ZBTB40: variants seen among roughly 807,000 people sequenced by gnomAD.
ZBTB40 encodes the protein zinc finger and BTB domain-containing protein 40.
ZBTB40 carries 60 observed loss-of-function variants against 117.5 expected under a neutral mutation model. The observed-to-expected ratio is 0.51, with a 90% CI of 0.41 to 0.63. The LOEUF (loss-of-function observed/expected upper bound fraction) is 0.63, where lower values mean the gene tolerates loss of function less well. Ranked by LOEUF, ZBTB40 falls within the 30% of genes least tolerant of loss-of-function variation. The pLI is 0.00. For missense variants in ZBTB40, 1,287 were observed against 1,498.5 expected, an observed-to-expected ratio of 0.86 and a Z score of 2.33; for synonymous variants, 525 against 577.1, an observed-to-expected ratio of 0.91 and a Z score of 1.29.
intron 16 of ZBTB40, among the ~76,000 whole-genome samples, chr1:22,522,945 CTTTTTTTTT>C (rs34232963): frequency 8.5e-5 from 8 of 93,910 alleles, no homozygotes; most frequent in Non-Finnish European, 1.5e-4. Flanking sequence ...TAAGATGTAC[CTTTTTTTTT>C]TTTTTTTTTT....
intron 1 of ZBTB40, among the ~76,000 whole-genome samples, chr1:22,454,965 A>T (rs997831242): frequency 6.6e-6 from 1 of 152,252 alleles, no homozygotes; most frequent in Non-Finnish European, 1.5e-5. Flanking sequence ...GGGGAATCCA[A>T]TTAAAAATAG....
chr1:22,490,769 G>A (rs554664595), intron 2 of ZBTB40, 124 bp downstream of exon 2: 32 of 1,036,686 alleles, frequency 3.1e-5, no homozygotes, highest in South Asian at 1.1e-4. Context: ...GTGCAGTACC[G>A]TACTGGGCCA....
chr1:22,509,712 T>G (rs1310487590), intron 9 of ZBTB40, among the ~76,000 whole-genome samples: 1 of 152,176 alleles, frequency 6.6e-6, no homozygotes, highest in Non-Finnish European at 1.5e-5. Context: ...TTTTAATCCT[T>G]CCAGCTCTAC....
In ZBTB40 at chr1:22,513,143, A is replaced by G. The variant is rs375840634; in HGVS notation, c.2668+13A>G. ...AAGCACTCAGAAGGTAAGGCGGGGC[A>G]CAGTTCATTTCTCCTGCAGACTTTC... On this transcript the variant is annotated intron_variant, in intron 12 of 17. Transcript: ENST00000375647. The surrounding 1 kb of genome is among the most constrained non-coding windows in gnomAD (Gnocchi z 4.9). The G allele has an allele frequency of 1.9e-6, 3 of 1,612,258 alleles. No individual in the cohort carries two copies. The highest frequency in any genetic ancestry group is 1.3e-5 in the African/African-American group (1 of 75,020).
At chr1:22,468,740 C>A (rs183167680) in intron 1 of ZBTB40, among the ~76,000 whole-genome samples, 1 of 144,612 alleles carries the variant, frequency 6.9e-6, no homozygotes, top group East Asian at 2.1e-4. Context: ...CTCAAGTAAT[C>A]CTCCTGCCTT....
intron 1 of ZBTB40, among the ~76,000 whole-genome samples, chr1:22,433,858 A>G (rs1374206433): frequency 6.6e-6 from 1 of 152,004 alleles, no homozygotes; most frequent in African/African-American, 2.4e-5. Context: ...ATGTATCACA[A>G]TGTATTTAAG....
chr1:22,480,494 G>T (rs573053296), intron 1 of ZBTB40, among the ~76,000 whole-genome samples: 1 of 152,190 alleles, frequency 6.6e-6, no homozygotes, highest in South Asian at 2.1e-4. Flanking sequence ...CTTCTTTTCT[G>T]TGTCGTTGTT....
chr1:22,523,153 A>G (rs1269024482), intron 16 of ZBTB40, among the ~76,000 whole-genome samples: 1 of 151,220 alleles, frequency 6.6e-6, no homozygotes, highest in African/African-American at 2.4e-5. Flanking sequence ...GGGTTTCATC[A>G]TGTTAGCCAG....
intron 9 of ZBTB40, 148 bp downstream of exon 9, chr1:22,509,381 C>G: frequency 8.1e-7 from 1 of 1,233,352 alleles, no homozygotes; most frequent in Non-Finnish European, 1.1e-6. Context: ...GAGTCTTGCT[C>G]TGTCGCCCAG....
At chr1:22,429,759 G>C (rs1015665898) in intron 1 of ZBTB40, among the ~76,000 whole-genome samples, 1 of 152,168 alleles carries the variant, frequency 6.6e-6, no homozygotes, top group Non-Finnish European at 1.5e-5. Context: ...TTGGGAGGCC[G>C]AGGCGGGTGG....
chr1:22,439,943 C>T (rs887371457), intron 1 of ZBTB40, among the ~76,000 whole-genome samples: 1 of 152,156 alleles, frequency 6.6e-6, no homozygotes, highest in Admixed American at 6.5e-5. Flanking sequence ...AATACTAAGC[C>T]TTCCAATCCA....
intron 1 of ZBTB40, among the ~76,000 whole-genome samples, chr1:22,488,462 G>T (rs1009915530): frequency 6.6e-6 from 1 of 152,160 alleles, no homozygotes; most frequent in Non-Finnish European, 1.5e-5. Flanking sequence ...TGGCCTCTGA[G>T]CAAAGGGCTG....
At chr1:22,494,939 T>C (rs1638733748) in intron 3 of ZBTB40, among the ~76,000 whole-genome samples, 2 of 152,244 alleles carry the variant, frequency 1.3e-5, no homozygotes, top group Admixed American at 1.3e-4. Flanking sequence ...AGAACAACGT[T>C]GTTTCACATT....
In ZBTB40 at chr1:22,513,239, A is replaced by G; in HGVS notation, c.2668+109A>G. On this transcript the variant is annotated intron_variant, in intron 12 of 17. Coordinates refer to ENST00000375647, the MANE Select transcript of ZBTB40 (RefSeq NM_014870.4). The surrounding 1 kb of genome is among the most constrained non-coding windows in gnomAD (Gnocchi z 4.9). ...CTCAAAAACAAAACAATTTGATAGCACAACAGGGTGACTAAAGTCAATAAT... is the reference window on the plus strand; with the variant it reads ...CTCAAAAACAAAACAATTTGATAGCGCAACAGGGTGACTAAAGTCAATAAT... 8.3e-7 allele frequency: 1 copy of G among 1,203,688 alleles called. No homozygotes were observed. The highest frequency in any genetic ancestry group is 1.2e-6 in the Non-Finnish European group (1 of 840,994). 74.6% of individuals were successfully genotyped at this position (1,203,688 alleles called of 1,614,324 possible).
rs59824118 is a variant in ZBTB40 at position 22,491,310 on chromosome 1, A to G, written c.698-90A>G. The G allele has an allele frequency of 2.2e-3, 2,908 of 1,351,000 alleles. 40 individuals are homozygous for G. In the African/African-American group the frequency reaches 0.036, roughly 17 times the overall value. The allele number at this position is 1,351,000 out of a possible 1,614,324, so 83.7% of individuals were successfully genotyped here. On this transcript the variant is annotated intron_variant, in intron 2 of 17. Coordinates refer to ENST00000375647, the MANE Select transcript of ZBTB40 (RefSeq NM_014870.4). ...GACAGAGATCAGTTAAGTGCAGTAT[A>G]TGACCTGAAGGTGCTCAGACAGCTT...
At position 22,527,747 on chromosome 1, in the gene ZBTB40, C is replaced by T. The variant is rs1260681146; in HGVS notation, c.*1351C>T. ...CATCTCACATTGCCATGTACAGAGG[C>T]AGGAGTCACGTTTGGTCACCATGGA... On this transcript the variant is annotated 3_prime_UTR_variant, in exon 18 of 18. Coordinates refer to ENST00000375647, the MANE Select transcript of ZBTB40 (RefSeq NM_014870.4). The T allele has an allele frequency of 6.6e-6, 1 of 151,994 alleles. No homozygotes were observed. Among genetic ancestry groups the T allele is most frequent in the Admixed American group, 6.5e-5 (1 of 15,278 alleles). 9.4% of individuals were successfully genotyped at this position (151,994 alleles called of 1,614,324 possible).
intron 1 of ZBTB40, among the ~76,000 whole-genome samples, chr1:22,479,064 G>T (rs915425250): frequency 5.3e-5 from 8 of 151,930 alleles, no homozygotes; most frequent in Non-Finnish European, 1.2e-4. Context: ...TTTTGTTTCT[G>T]GCTTCTTTGA....
chr1:22,436,775 C>A (rs1236334234), intron 1 of ZBTB40, among the ~76,000 whole-genome samples: 1 of 152,064 alleles, frequency 6.6e-6, no homozygotes, highest in African/African-American at 2.4e-5. Flanking sequence ...ATATGAAATT[C>A]TAGGATATGT....
intron 1 of ZBTB40, among the ~76,000 whole-genome samples, chr1:22,480,577 C>T (rs1638270884): frequency 1.3e-5 from 2 of 150,632 alleles, no homozygotes; most frequent in Non-Finnish European, 3.0e-5. Flanking sequence ...GTCTCGATCT[C>T]CTGACCTCGT....
Sources: gnomAD v4.1 joint callset for allele counts (sites outside exome capture counted in the v4.1 genomes callset) on GRCh38, gnomAD v4.1.1 for gene constraint, Gnocchi (gnomAD v3.1) non-coding constraint, MANE v1.5 for transcripts, NCBI Gene and HGNC (gene_info 2026-07-23, HGNC 2026-07-21) for gene names.